Variants in HDAC11 observed in about 807,000 individuals in gnomAD.
The protein encoded by HDAC11 is histone deacetylase 11.
In HDAC11, 23 loss-of-function variants were observed where a neutral mutation model predicts 41.1. The observed-to-expected ratio is 0.56, with a 90% CI of 0.40 to 0.79. The LOEUF (loss-of-function observed/expected upper bound fraction) is 0.79, where lower values mean the gene tolerates loss of function less well. HDAC11 is among the 30% of genes least tolerant of loss of function. HDAC11 has a pLI of 0.00. For synonymous variants in HDAC11, 187 were observed against 186.6 expected, an observed-to-expected ratio of 1.00 and a Z score of -0.02; for missense variants, 402 against 477.3, an observed-to-expected ratio of 0.84 and a Z score of 1.47.
At position 13,502,158 on chromosome 3, in the gene HDAC11, C is replaced by G. The variant is rs1422990450; in HGVS notation, c.552+225C>G. 3 of 557,102 alleles carry G rather than the reference C, an allele frequency of 5.4e-6. No homozygotes were observed. The highest frequency in any genetic ancestry group is 9.6e-6 in the Non-Finnish European group (3 of 312,316). 34.5% of individuals were successfully genotyped at this position (557,102 alleles called of 1,614,324 possible). Reference sequence around the variant, plus strand: ...CTCCCTCCCTCCTCCTGACTGCCCCCACATGAGGCTCTTCCTGAAGCCCAC... The same window carrying G: ...CTCCCTCCCTCCTCCTGACTGCCCCGACATGAGGCTCTTCCTGAAGCCCAC... On this transcript the variant is annotated intron_variant, in intron 7 of 9. Coordinates refer to ENST00000295757, the MANE Select transcript of HDAC11 (RefSeq NM_024827.4). This position sits in a 1 kb window ranked among gnomAD's most constrained non-coding sequence, Gnocchi z 4.1.
chr3:13,492,302 A>G (rs932305691), intron 3 of HDAC11, among the ~76,000 whole-genome samples: 1 of 152,186 alleles, frequency 6.6e-6, no homozygotes, highest in Non-Finnish European at 1.5e-5. Flanking sequence ...TGTCAGGAGA[A>G]GGGCTCTGGT....
chr3:13,483,493 G>A lies in HDAC11; in HGVS notation c.181G>A (p.Val61Met). Residue 61 changes from valine (V) to methionine (M), a missense_variant, in exon 3 of 10, where the codon GTG becomes ATG. Physicochemically the swap from Val to Met is conservative, Grantham distance 21. Transcript: ENST00000295757. ...GAAGCTTCTGTCTGACAGCATGCTG[G>A]TGGAGGCGCGGGAGGCCTCGGAGGA... is the stretch of plus-strand genomic sequence containing the variant. Reference protein sequence around the residue: ...EEKLLSDSMLVEAREASEEDL... With the variant: ...EEKLLSDSMLMEAREASEEDL... The A allele has an allele frequency of 6.2e-7, 1 of 1,614,118 alleles. No homozygotes were observed. The highest frequency in any genetic ancestry group is 8.5e-7 in the Non-Finnish European group (1 of 1,180,010).
rs1407429438 is a variant in HDAC11, at chr3:13,483,016, G to A, written c.152-448G>A. Among the ~76,000 whole-genome samples the A allele has an allele frequency of 2.0e-5, 3 of 151,184 alleles. No homozygotes were observed. In the East Asian group the frequency reaches 5.9e-4, roughly 30 times the overall value. ...TCCACCTGCCTCAACCTCCCAAAGTGCTGGGATTACAGGCGTGAACCACCA... is the reference window on the plus strand; with the variant it reads ...TCCACCTGCCTCAACCTCCCAAAGTACTGGGATTACAGGCGTGAACCACCA... On this transcript the variant is annotated intron_variant, in intron 2 of 9. Transcript: ENST00000295757.
At chr3:13,487,790 C>T (rs1701664323) in intron 3 of HDAC11, among the ~76,000 whole-genome samples, 1 of 152,122 alleles carries the variant, frequency 6.6e-6, no homozygotes, top group African/African-American at 2.4e-5. Flanking sequence ...GACCACATCC[C>T]TTTCCTGCTG....
At chr3:13,489,419 C>T (rs191652822) in intron 3 of HDAC11, among the ~76,000 whole-genome samples, 314 of 152,294 alleles carry the variant, frequency 2.1e-3, no homozygotes, top group African/African-American at 7.3e-3. Context: ...AGTCCAACTT[C>T]ATTGTTTTGT....
In HDAC11 at chr3:13,502,201, C is replaced by CCCATCA. The variant is rs1702400651; in HGVS notation, c.552+268_552+269insCCATCA. The CCCATCA allele has an allele frequency of 2.0e-6, 1 of 496,684 alleles. No individual in the cohort carries two copies. Among genetic ancestry groups the CCCATCA allele is most frequent in the African/African-American group, 1.9e-5 (1 of 52,054 alleles). The allele number at this position is 496,684 out of a possible 1,614,324, so 30.8% of individuals were successfully genotyped here. On this transcript the variant is annotated intron_variant, in intron 7 of 9. Transcript: ENST00000295757. This position sits in a 1 kb window ranked among gnomAD's most constrained non-coding sequence, Gnocchi z 4.1. ...AAGCCCACTCTGATGGGACTGCTCT[C>CCCATCA]GTGTGCAGAGCTCTGCTGTGGGTCC... is the stretch of plus-strand genomic sequence containing the variant.
intron 1 of HDAC11, 116 bp from the exon 2 acceptor site, chr3:13,481,130 C>T: frequency 1.8e-6 from 2 of 1,118,652 alleles, no homozygotes; most frequent in Non-Finnish European, 1.2e-6. Flanking sequence ...TTGTCTGCGG[C>T]TGAGGGGCTA....
intron 6 of HDAC11, among the ~76,000 whole-genome samples, chr3:13,501,424 C>A (rs561873693): frequency 5.8e-4 from 89 of 152,272 alleles, no homozygotes; most frequent in African/African-American, 2.0e-3. Context: ...GGGGGAAGCA[C>A]AGGAGACCTT....
Position 13,504,081 on chromosome 3 carries a change from G to T in HDAC11, c.650-13G>T. The T allele has an allele frequency of 6.2e-7, 1 of 1,613,112 alleles. No homozygotes were observed. The highest frequency in any genetic ancestry group is 8.5e-7 in the Non-Finnish European group (1 of 1,179,564). ...TTCTCTATAAATTGAGGCCATCCAT[G>T]TCTCTCTCCCAGAGGCCATCAGGCG... On this transcript the variant is annotated splice_polypyrimidine_tract_variant and intron_variant, in intron 8 of 9. Coordinates refer to ENST00000295757, the MANE Select transcript of HDAC11 (RefSeq NM_024827.4).
intron 6 of HDAC11, chr3:13,501,513 G>T (rs373251702): frequency 4.5e-6 from 2 of 445,190 alleles, no homozygotes; most frequent in African/African-American, 4.0e-5. Flanking sequence ...CAGAGGTTGG[G>T]GACTGAAGTC....
chr3:13,498,294 T>C lies in HDAC11; in HGVS notation c.370-219T>C, dbSNP rs559460744. 3.3e-5 allele frequency among the ~76,000 whole-genome samples: 5 copies of C among 152,386 alleles called. No homozygotes were observed. In the South Asian group the frequency reaches 1.0e-3, roughly 32 times the overall value. On this transcript the variant is annotated intron_variant, in intron 4 of 9. Coordinates refer to ENST00000295757, the MANE Select transcript of HDAC11 (RefSeq NM_024827.4). ...TTCCTTGCACAATTTCAAAGGTGCT[T>C]ATGCACTGTACATCTCATATGCCAG...
Position 13,504,516 on chromosome 3 carries a change from C to T in HDAC11, c.877C>T (p.Arg293Trp), listed in dbSNP as rs754241315. ...GGTGTTCCGGATGGTCCGTGGCCGC[C>T]GGGTGCCCATCCTTATGGTGACCTC... ...ELVFRMVRGR[R>W]VPILMVTSGG... is the part of the protein sequence containing the mutation. Residue 293 changes from arginine (R) to tryptophan (W), a missense_variant, in exon 10 of 10, where the codon CGG (arginine) becomes TGG (tryptophan). Coordinates refer to ENST00000295757, the MANE Select transcript of HDAC11 (RefSeq NM_024827.4). The T allele has an allele frequency of 2.4e-5, 39 of 1,613,424 alleles. No homozygotes were observed. The highest frequency in any genetic ancestry group is 1.6e-4 in the Middle Eastern group (1 of 6,084).
At chr3:13,492,465 A>C (rs1701910483) in intron 3 of HDAC11, among the ~76,000 whole-genome samples, 3 of 152,380 alleles carry the variant, frequency 2.0e-5, no homozygotes, top group African/African-American at 7.2e-5. Flanking sequence ...TAATCGGGAC[A>C]GTCTGTAGCC....
chr3:13,498,376 C>T, intron 4 of HDAC11, 137 bp from the exon 5 acceptor site: 1 of 1,082,230 alleles, frequency 9.2e-7, no homozygotes. Flanking sequence ...CCTTCTATAC[C>T]CCTGCCTTGT....
intron 3 of HDAC11, chr3:13,496,471 G>A: frequency 5.8e-6 from 2 of 343,328 alleles, no homozygotes; most frequent in South Asian, 7.7e-5. Context: ...GGCAGCCAAG[G>A]GCCTCAGAAC....
intron 2 of HDAC11, among the ~76,000 whole-genome samples, chr3:13,482,085 G>T (rs1391520931): frequency 6.6e-6 from 1 of 152,190 alleles, no homozygotes; most frequent in Non-Finnish European, 1.5e-5. Flanking sequence ...GCTCCCATTA[G>T]TGGCTGAAGT....
chr3:13,493,666 AC>A (rs1257256523), intron 3 of HDAC11, among the ~76,000 whole-genome samples: 4 of 152,238 alleles, frequency 2.6e-5, no homozygotes, highest in Non-Finnish European at 5.9e-5. Flanking sequence ...CCACTGCTGC[AC>A]CAGGAGAAGG....
At chr3:13,496,519 T>G in intron 3 of HDAC11, 4 of 454,288 alleles carry the variant, frequency 8.8e-6, no homozygotes, top group East Asian at 8.2e-5. Context: ...AAGAAATGCA[T>G]TGTGTAAACT....
At position 13,496,748 on chromosome 3, in the gene HDAC11, G is replaced by A; in HGVS notation, c.265G>A (p.Val89Ile). 2 of 1,604,860 alleles carry A rather than the reference G, an allele frequency of 1.2e-6. No homozygotes were observed. Among genetic ancestry groups the A allele is most frequent in the Non-Finnish European group, 1.7e-6 (2 of 1,175,536 alleles). ...TCTTTTTCCGCAGTGGTCCTTTGCT[G>A]TTGCTACCATCACAGAAATCCCCCC... Reference protein sequence around the residue: ...YLNELKWSFAVATITEIPPVI... With the variant: ...YLNELKWSFAIATITEIPPVI... Residue 89 changes from valine to isoleucine, a missense_variant, in exon 4 of 10, where the codon GTT becomes ATT. Coordinates refer to ENST00000295757, the MANE Select transcript of HDAC11 (RefSeq NM_024827.4).
Sources: gnomAD v4.1 joint callset for allele counts (sites outside exome capture counted in the v4.1 genomes callset) on GRCh38, gnomAD v4.1.1 for gene constraint, Gnocchi (gnomAD v3.1) non-coding constraint, MANE v1.5 for transcripts, NCBI Gene and HGNC (gene_info 2026-07-23, HGNC 2026-07-21) for gene names.